ACCSL: variants seen among roughly 807,000 people sequenced by gnomAD.
ACCSL encodes 1-aminocyclopropane-1-carboxylate synthase homolog (inactive) like, also known as probable inactive 1-aminocyclopropane-1-carboxylate synthase-like protein 2.
In ACCSL, 55 loss-of-function variants were observed where a neutral mutation model predicts 61.7. The ratio of observed to expected loss-of-function variants is 0.89; its 90% CI spans 0.72 to 1.12. The LOEUF (loss-of-function observed/expected upper bound fraction) is 1.12. Ranked by LOEUF, ACCSL falls within the 50% of genes most tolerant of loss-of-function variation. The probability of loss-of-function intolerance (pLI) is 0.00; values close to 1 mark genes in which losing one functional copy is unlikely to be tolerated. For synonymous variants in ACCSL, 258 were observed against 264.3 expected (o/e 0.98, Z 0.23); for missense variants, 632 against 698.0 (o/e 0.91, Z 1.07).
At chr11:44,015,002 G>A in the ACCSL span, among the ~76,000 whole-genome samples, 1 of 152,180 alleles carries the variant, frequency 6.6e-6, no homozygotes, top group South Asian at 2.1e-4. Flanking sequence ...TACACATGCA[G>A]GGGCACCCAG....
At chr11:44,058,210 C>A in intron 11 of ACCSL, 107 bp from the exon 12 acceptor site, 1 of 1,324,456 alleles carries the variant, frequency 7.6e-7, no homozygotes, top group Non-Finnish European at 1.0e-6. Flanking sequence ...AAAACAAAAA[C>A]AAACAAACAA....
the ACCSL span, chr11:43,933,203 A>G: frequency 2.2e-6 from 1 of 455,970 alleles, no homozygotes. Flanking sequence ...GTTTGGTAGG[A>G]GCAGCGAAAC....
the ACCSL span, among the ~76,000 whole-genome samples, chr11:44,032,678 C>T: frequency 6.6e-5 from 10 of 152,156 alleles, no homozygotes; most frequent in African/African-American, 1.7e-4. Context: ...GCATTGTCCC[C>T]GCTCAAGAAT....
At chr11:44,002,617 C>T in the ACCSL span, among the ~76,000 whole-genome samples, 2 of 152,064 alleles carry the variant, frequency 1.3e-5, no homozygotes, top group Admixed American at 6.6e-5. Context: ...GGGGAGATAC[C>T]AGCTTACTAG....
chr11:44,017,507 G>A, the ACCSL span, among the ~76,000 whole-genome samples: 1 of 152,172 alleles, frequency 6.6e-6, no homozygotes, highest in African/African-American at 2.4e-5. Flanking sequence ...CCCCTGGGTG[G>A]CCCATTTGTC....
At chr11:43,988,548 G>T in the ACCSL span, among the ~76,000 whole-genome samples, 2 of 151,948 alleles carry the variant, frequency 1.3e-5, no homozygotes, top group African/African-American at 4.8e-5. Flanking sequence ...CAGCACACAG[G>T]CCGAATGTTA....
At chr11:43,924,558 G>T in the ACCSL span, among the ~76,000 whole-genome samples, 5 of 152,106 alleles carry the variant, frequency 3.3e-5, no homozygotes, top group African/African-American at 1.2e-4. Context: ...CGGAGGCCGG[G>T]AACCCAGTGC....
chr11:44,010,382 G>A, the ACCSL span, among the ~76,000 whole-genome samples: 1 of 152,134 alleles, frequency 6.6e-6, no homozygotes, highest in Non-Finnish European at 1.5e-5. Flanking sequence ...AATATTTACT[G>A]AACACTTACT....
chr11:44,037,572 C>A, the ACCSL span, among the ~76,000 whole-genome samples: 1 of 152,176 alleles, frequency 6.6e-6, no homozygotes, highest in Non-Finnish European at 1.5e-5. Context: ...TTGGCAAATC[C>A]GTGTTACAGC....
At chr11:43,975,895 C>T in the ACCSL span, among the ~76,000 whole-genome samples, 1 of 152,162 alleles carries the variant, frequency 6.6e-6, no homozygotes, top group African/African-American at 2.4e-5. Context: ...AAGGAACCTA[C>T]AACATTTGCC....
the ACCSL span, among the ~76,000 whole-genome samples, chr11:43,938,657 G>C: frequency 6.6e-6 from 1 of 152,126 alleles, no homozygotes; most frequent in Non-Finnish European, 1.5e-5. Flanking sequence ...ACAAAAATTA[G>C]CAGGGTGTGG....
intron 3 of ACCSL, 117 bp from the exon 4 acceptor site, chr11:44,051,218 G>T: frequency 1.6e-5 from 16 of 987,996 alleles, no homozygotes; most frequent in Non-Finnish European, 2.6e-5. Flanking sequence ...CAGTAGCCCT[G>T]TAATATGAGG....
At chr11:44,059,010 A>G (rs1952689990) in intron 13 of ACCSL, among the ~76,000 whole-genome samples, 1 of 152,106 alleles carries the variant, frequency 6.6e-6, no homozygotes, top group South Asian at 2.1e-4. Context: ...TGGGAGGCCG[A>G]GGTGGGTGGA....
the ACCSL span, among the ~76,000 whole-genome samples, chr11:43,941,309 C>T: frequency 2.0e-5 from 3 of 152,222 alleles, no homozygotes; most frequent in Non-Finnish European, 4.4e-5. Flanking sequence ...CCACAACACC[C>T]CACTCCCATT....
chr11:43,933,023 G>A, the ACCSL span: 1 of 453,954 alleles, frequency 2.2e-6, no homozygotes, highest in East Asian at 6.9e-5. Flanking sequence ...GGTACTACCT[G>A]GGAAAACCTC....
At chr11:43,958,908 G>T in the ACCSL span, among the ~76,000 whole-genome samples, 1 of 152,152 alleles carries the variant, frequency 6.6e-6, no homozygotes, top group Non-Finnish European at 1.5e-5. Flanking sequence ...CAAGTATCTG[G>T]TGAGGTCTGT....
the ACCSL span, among the ~76,000 whole-genome samples, chr11:43,976,132 A>C: frequency 6.7e-6 from 1 of 150,098 alleles, no homozygotes; most frequent in South Asian, 2.1e-4. Context: ...TACACCCTAG[A>C]AGCCTCATCT....
intron 4 of ACCSL, 59 bp from the exon 5 acceptor site, chr11:44,051,592 TGG>T: frequency 1.2e-6 from 2 of 1,604,330 alleles, no homozygotes; most frequent in Non-Finnish European, 1.7e-6. Context: ...GGAGAAAGCA[TGG>T]CTACCCCTTC....
At chr11:43,959,040 A>G in the ACCSL span, among the ~76,000 whole-genome samples, 3 of 152,164 alleles carry the variant, frequency 2.0e-5, no homozygotes, top group Admixed American at 6.5e-5. Flanking sequence ...TAAGGCACTA[A>G]TCCATCCATG....
Sources: gnomAD v4.1 joint callset for allele counts (sites outside exome capture counted in the v4.1 genomes callset) on GRCh38, gnomAD v4.1.1 for gene constraint, MANE v1.5 for transcripts, NCBI Gene and HGNC (gene_info 2026-07-23, HGNC 2026-07-21) for gene names.